PRKG1: variants seen among roughly 807,000 people sequenced by gnomAD.
The protein encoded by PRKG1 is cGMP-dependent protein kinase 1.
A neutral mutation model predicts 88.1 loss-of-function variants in PRKG1; 35 were observed. The observed-to-expected ratio is 0.40, with a 90% CI of 0.30 to 0.53. The LOEUF (loss-of-function observed/expected upper bound fraction) is 0.53, where lower values mean the gene tolerates loss of function less well. Ranked by LOEUF, PRKG1 falls within the 20% of genes least tolerant of loss-of-function variation. The probability of loss-of-function intolerance (pLI) is 0.59; values close to 1 mark genes in which losing one functional copy is unlikely to be tolerated. For synonymous variants in PRKG1, 303 were observed against 292.5 expected, an observed-to-expected ratio of 1.04 and a Z score of -0.37; for missense variants, 540 against 839.8, an observed-to-expected ratio of 0.64 and a Z score of 4.41.
At position 51,862,840 on chromosome 10, in the gene PRKG1, A is replaced by C. The variant is rs149206548; in HGVS notation, c.699-44667A>C. Among the ~76,000 whole-genome samples, 137 of 152,316 alleles carry C rather than the reference A, an allele frequency of 9.0e-4. 1 individual carries two copies. The highest frequency in any genetic ancestry group is 6.8e-3 in the Middle Eastern group (2 of 294). ...ATATGGGTAGCTGTATTCTGACTAC[A>C]GCAATAAATGAGATGTATATAAATC... On this transcript the variant is annotated intron_variant, in intron 4 of 17. Transcript: ENST00000373980.
intron 3 of PRKG1, among the ~76,000 whole-genome samples, chr10:51,628,047 T>C (rs28590273): frequency 3.5e-4 from 51 of 144,342 alleles, no homozygotes; most frequent in Middle Eastern, 3.5e-3. Flanking sequence ...TCCTTCCTTC[T>C]TTCCTTTCCT....
chr10:52,220,337 C>T (rs1389408559), intron 9 of PRKG1, among the ~76,000 whole-genome samples: 1 of 152,004 alleles, frequency 6.6e-6, no homozygotes, highest in African/African-American at 2.4e-5. Context: ...ACCAGCTTGC[C>T]AACTATGTGA....
intron 3 of PRKG1, among the ~76,000 whole-genome samples, chr10:51,743,014 T>A (rs1837473428): frequency 6.6e-6 from 1 of 151,958 alleles, no homozygotes; most frequent in African/African-American, 2.4e-5. Flanking sequence ...AACCTGCACG[T>A]TCAGCACATG....
chr10:51,425,893 C>G (rs778254865), intron 2 of PRKG1, among the ~76,000 whole-genome samples: 1 of 152,170 alleles, frequency 6.6e-6, no homozygotes, highest in Admixed American at 6.5e-5. Flanking sequence ...CATGGCAATT[C>G]CGTAGGCTCT....
intron 1 of PRKG1, among the ~76,000 whole-genome samples, chr10:51,035,800 AT>A (rs1843345630): frequency 6.6e-6 from 1 of 152,176 alleles, no homozygotes; most frequent in Non-Finnish European, 1.5e-5. Context: ...GAAATCACCT[AT>A]AACCCTATTA....
intron 2 of PRKG1, among the ~76,000 whole-genome samples, chr10:51,414,588 C>T (rs1838188049): frequency 6.6e-6 from 1 of 152,076 alleles, no homozygotes; most frequent in African/African-American, 2.4e-5. Context: ...TTTAGCAGCT[C>T]GTGGTAACAA....
chr10:52,046,422 C>T (rs1845865279), intron 5 of PRKG1, among the ~76,000 whole-genome samples: 1 of 152,050 alleles, frequency 6.6e-6, no homozygotes, highest in Non-Finnish European at 1.5e-5. Flanking sequence ...CTCGGAAAAG[C>T]TTTGTATTAT....
chr10:52,131,311 C>T (rs964595375), intron 7 of PRKG1, among the ~76,000 whole-genome samples: 17 of 152,164 alleles, frequency 1.1e-4, no homozygotes, highest in South Asian at 2.1e-4. Context: ...CATAAATACA[C>T]GTATTAATAT....
At chr10:51,997,660 A>G (rs1392588079) in intron 5 of PRKG1, among the ~76,000 whole-genome samples, 1 of 152,184 alleles carries the variant, frequency 6.6e-6, no homozygotes, top group Non-Finnish European at 1.5e-5. Context: ...CAATGTATTC[A>G]TACTTCAAAA....
At chr10:51,993,210 T>TTC (rs2133132274) in intron 5 of PRKG1, among the ~76,000 whole-genome samples, 1 of 152,332 alleles carries the variant, frequency 6.6e-6, no homozygotes, top group South Asian at 2.1e-4. Flanking sequence ...TTTTTAAATT[T>TTC]TCTCATTATT....
intron 1 of PRKG1, among the ~76,000 whole-genome samples, chr10:51,107,310 A>G (rs776908727): frequency 6.6e-5 from 10 of 152,130 alleles, no homozygotes; most frequent in Non-Finnish European, 1.3e-4. Context: ...TCCCAATGCA[A>G]TAGCAAACAC....
chr10:52,219,926 G>C (rs1840200639), intron 9 of PRKG1, among the ~76,000 whole-genome samples: 1 of 152,114 alleles, frequency 6.6e-6, no homozygotes, highest in African/African-American at 2.4e-5. Flanking sequence ...TAGAAAGAAA[G>C]ATTAAAAGTT....
intron 3 of PRKG1, among the ~76,000 whole-genome samples, chr10:51,772,842 G>T (rs1243863143): frequency 6.6e-6 from 1 of 151,958 alleles, no homozygotes; most frequent in East Asian, 1.9e-4. Flanking sequence ...GAGATTGATG[G>T]CTAAAACTTC....
At chr10:51,103,725 A>G (rs1286167952) in intron 1 of PRKG1, among the ~76,000 whole-genome samples, 1 of 152,164 alleles carries the variant, frequency 6.6e-6, no homozygotes, top group Non-Finnish European at 1.5e-5. Flanking sequence ...GGAGCTCCTG[A>G]TCCTGACTGA....
chr10:51,210,456 A>G (rs1459198838), intron 2 of PRKG1, among the ~76,000 whole-genome samples: 5 of 152,192 alleles, frequency 3.3e-5, no homozygotes, highest in Non-Finnish European at 7.3e-5. Context: ...GGCAAGAAAT[A>G]ACTAAGATCA....
In PRKG1 at chr10:51,736,628, G is replaced by A. The variant is rs570269029; in HGVS notation, c.593-67957G>A. Among the ~76,000 whole-genome samples, 5 of 134,786 alleles carry A rather than the reference G, an allele frequency of 3.7e-5. No individual in the cohort carries two copies. In the South Asian group the frequency reaches 9.5e-4, roughly 26 times the overall value. The allele number at this position is 134,786 out of a possible 152,430, so 88.4% of individuals were successfully genotyped here. On this transcript the variant is annotated intron_variant, in intron 3 of 17. Transcript: ENST00000373980. ...TACTTTTTTTTTTTTTTTTTTAAGA[G>A]ACAGGGTCTCCCCTCTGTTGTCCAG...
At chr10:52,224,759 C>T (rs1840339872) in intron 9 of PRKG1, among the ~76,000 whole-genome samples, 1 of 145,450 alleles carries the variant, frequency 6.9e-6, no homozygotes, top group African/African-American at 2.5e-5. Flanking sequence ...ATCCAGGTTA[C>T]TACAAATGCT....
intron 5 of PRKG1, among the ~76,000 whole-genome samples, chr10:51,996,929 T>C (rs948836356): frequency 4.6e-5 from 7 of 152,156 alleles, no homozygotes; most frequent in Non-Finnish European, 8.8e-5. Flanking sequence ...GTGGCATATA[T>C]ACAAAATTCA....
rs144095001 is a variant in PRKG1 at position 52,135,748 on chromosome 10, A to G, written c.1001+1843A>G. On this transcript the variant is annotated intron_variant, in intron 8 of 17. Transcript: ENST00000373980. ...AACATACAATATCGAACACTCAAGA[A>G]TGGATGGCCTGTAGGAGACAGGAAA... Among the ~76,000 whole-genome samples, 407 of 152,170 alleles carry G rather than the reference A, an allele frequency of 2.7e-3. 17 individuals carry two copies. Among genetic ancestry groups the G allele is most frequent in the Admixed American group, 0.025 (376 of 15,252 alleles).
Sources: allele counts gnomAD v4.1 joint callset (sites outside exome capture counted in the v4.1 genomes callset), GRCh38; gene constraint gnomAD v4.1.1; transcripts MANE v1.5; gene names NCBI Gene and HGNC (gene_info 2026-07-23, HGNC 2026-07-21).